The following ANP32E variants were observed in gnomAD, a reference collection of about 807,000 sequenced individuals.
ANP32E encodes the protein acidic leucine-rich nuclear phosphoprotein 32 family member E.
ANP32E carries 14 observed loss-of-function variants against 35.3 expected under a neutral mutation model. The ratio of observed to expected loss-of-function variants is 0.40; its 90% confidence interval spans 0.26 to 0.62. The LOEUF (loss-of-function observed/expected upper bound fraction) is 0.62. Ranked by LOEUF, ANP32E falls within the 20% of genes least tolerant of loss-of-function variation. ANP32E has a pLI of 0.45. For missense variants in ANP32E, 198 were observed against 304.4 expected, an observed-to-expected ratio of 0.65 and a Z score of 2.60; for synonymous variants, 89 against 110.4, an observed-to-expected ratio of 0.81 and a Z score of 1.22.
chr1:150,226,751 G>T lies in ANP32E; in HGVS notation c.538C>A (p.Pro180Thr). 1 of 1,591,648 alleles carries T rather than the reference G, an allele frequency of 6.3e-7. No individual in the cohort carries two copies. Among genetic ancestry groups the T allele is most frequent in the South Asian group, 1.1e-5 (1 of 89,964 alleles). The change falls in exon 5 of 7, where the codon CCA becomes ACA. Residue 180 changes from proline to threonine, a missense_variant. By Grantham distance (38) the Pro-to-Thr change is conservative (BLOSUM62 -1). Transcript: ENST00000583931. ...TCCTCTTCCTCATATCCTTCCGGTG[G>T]ACCAGCTTCATTTTCCTCTTCCTCT... Reference protein sequence around the residue: ...DEEEEENEAGPPEGYEEEEEE... With the variant: ...DEEEEENEAGTPEGYEEEEEE...
chr1:150,219,321 T>C lies in ANP32E; in HGVS notation c.*1370A>G, dbSNP rs1344095988. The C allele has an allele frequency of 6.6e-6, 1 of 152,224 alleles. No individual in the cohort carries two copies. Among genetic ancestry groups the C allele is most frequent in the East Asian group, 1.9e-4 (1 of 5,204 alleles). 9.4% of individuals were successfully genotyped at this position (152,224 alleles called of 1,614,324 possible). A position where few individuals can be genotyped will look rare whatever the true frequency, so the allele number is the denominator to read the frequency against. ...ATATACTTGTATACTCATTATATTTTATTTAGTAGCCATGTAAGGAAACAC... is the reference window on the plus strand; with the variant it reads ...ATATACTTGTATACTCATTATATTTCATTTAGTAGCCATGTAAGGAAACAC... On this transcript the variant is annotated 3_prime_UTR_variant, in exon 7 of 7. Transcript: ENST00000583931.
chr1:150,230,419 A>C lies in ANP32E; in HGVS notation c.327+152T>G, dbSNP rs587594301. On this transcript the variant is annotated intron_variant, in intron 3 of 6. Coordinates refer to ENST00000583931, the MANE Select transcript of ANP32E (RefSeq NM_030920.5). ...ATTTAAAAATTCATCTGAATATTTT[A>C]GTCTAAAAGAAACAAAAGCAGTAAC... 4.6e-5 allele frequency: 25 copies of C among 540,756 alleles called. No homozygotes were observed. In the South Asian group the frequency reaches 1.6e-3, roughly 35 times the overall value. 33.5% of individuals were successfully genotyped at this position (540,756 alleles called of 1,614,324 possible). A position where few individuals can be genotyped will look rare whatever the true frequency, so the allele number is the denominator to read the frequency against.
chr1:150,228,516 C>T (rs1649070757), intron 4 of ANP32E, among the ~76,000 whole-genome samples: 1 of 151,930 alleles, frequency 6.6e-6, no homozygotes, highest in South Asian at 2.1e-4. Context: ...ATGGTGAAAC[C>T]TCGTCTCTAC....
rs1384497846 is a variant in ANP32E at position 150,232,070 on chromosome 1, C to T, written c.55-144G>A. The stretch of plus-strand genomic sequence containing the variant: ...TCAGTTAAAACAAAATACGGCCGGG[C>T]GCGGTGGCTCACGCCTGTAATCCCA... On this transcript the variant is annotated intron_variant, in intron 1 of 6. Coordinates refer to ENST00000583931, the MANE Select transcript of ANP32E (RefSeq NM_030920.5). 1.4e-5 allele frequency: 11 copies of T among 794,554 alleles called. No homozygotes were observed. The African/African-American group carries it at 1.5e-4, about 10-fold the overall frequency. The allele number at this position is 794,554 out of a possible 1,614,324, so 49.2% of individuals were successfully genotyped here. A position where few individuals can be genotyped will look rare whatever the true frequency, so the allele number is the denominator to read the frequency against.
In ANP32E at chr1:150,220,502, A is replaced by G. The variant is rs1648253068; in HGVS notation, c.*189T>C. 5.4e-6 allele frequency: 3 copies of G among 553,712 alleles called. No homozygotes were observed. The highest frequency in any genetic ancestry group is 9.6e-6 in the Non-Finnish European group (3 of 311,648). The allele number at this position is 553,712 out of a possible 1,614,324, so 34.3% of individuals were successfully genotyped here. Reference sequence around the variant, plus strand: ...TGGGAGTCAATGAAAATTTTTCTCTACATACAATATGATCATTAACAGACT... The same window carrying G: ...TGGGAGTCAATGAAAATTTTTCTCTGCATACAATATGATCATTAACAGACT... On this transcript the variant is annotated 3_prime_UTR_variant, in exon 7 of 7. Transcript: ENST00000583931.
intron 4 of ANP32E, 61 bp from the exon 5 acceptor site, chr1:150,226,856 G>A (rs1648925612): frequency 2.6e-6 from 4 of 1,537,068 alleles, no homozygotes; most frequent in Non-Finnish European, 3.5e-6. Flanking sequence ...CTAGGATGTT[G>A]ATGCTTTTTA....
At chr1:150,229,286 T>C (rs201537583) in intron 3 of ANP32E, 49 bp from the exon 4 acceptor site, 1 of 1,077,062 alleles carries the variant, frequency 9.3e-7, no homozygotes, top group African/African-American at 1.7e-5. Context: ...AATACCATGT[T>C]ATTTCTTTTT....
rs1377408311 is a variant in ANP32E at position 150,232,926 on chromosome 1, G to A, written c.55-1000C>T. Among the ~76,000 whole-genome samples the A allele has an allele frequency of 4.6e-5, 7 of 152,206 alleles. No individual in the cohort carries two copies. The East Asian group carries it at 1.4e-3, about 29-fold the overall frequency. ...CAGATAATATATTTATGCAAGGAGCGAGTACCTGAGCTACCAGGAAAAGAT... is the reference window on the plus strand; with the variant it reads ...CAGATAATATATTTATGCAAGGAGCAAGTACCTGAGCTACCAGGAAAAGAT... On this transcript the variant is annotated intron_variant, in intron 1 of 6. Transcript: ENST00000583931.
chr1:150,224,156 C>CA (rs1648682559), intron 5 of ANP32E, among the ~76,000 whole-genome samples: 1 of 151,742 alleles, frequency 6.6e-6, no homozygotes, highest in South Asian at 2.1e-4. Flanking sequence ...GATGAGATAG[C>CA]AAAAAGCATA....
rs188534574 is a variant in ANP32E at position 150,235,528 on chromosome 1, G to T, written c.54+205C>A. ...TAAGCCCCCATGCACACACAAAAAC[G>T]CCCCTAGAAACTTCAACCCTTCGCC... On this transcript the variant is annotated intron_variant, in intron 1 of 6. Coordinates refer to ENST00000583931, the MANE Select transcript of ANP32E (RefSeq NM_030920.5). The surrounding 1 kb of genome is among the most constrained non-coding windows in gnomAD (Gnocchi z 4.2). Among the ~76,000 whole-genome samples the T allele has an allele frequency of 1.1e-3, 172 of 152,292 alleles. 1 individual carries two copies. The highest frequency in any genetic ancestry group is 4.0e-3 in the African/African-American group (165 of 41,558).
At chr1:150,230,463 C>CA in intron 3 of ANP32E, 108 bp downstream of exon 3, 1 of 1,148,128 alleles carries the variant, frequency 8.7e-7, no homozygotes, top group Admixed American at 2.6e-5. Context: ...TCACAACATA[C>CA]AAAAAATTCT....
intron 4 of ANP32E, among the ~76,000 whole-genome samples, chr1:150,227,139 A>G (rs1648944834): frequency 6.6e-6 from 1 of 152,194 alleles, no homozygotes; most frequent in Admixed American, 6.5e-5. Flanking sequence ...ATGCTTGTAC[A>G]CTGTTGGTGG....
chr1:150,225,933 T>C (rs1270280824), intron 5 of ANP32E, among the ~76,000 whole-genome samples: 1 of 151,546 alleles, frequency 6.6e-6, no homozygotes, highest in African/African-American at 2.4e-5. Flanking sequence ...TGAGTGCCTA[T>C]AATGTGCCAG....
In ANP32E at chr1:150,236,024, A is replaced by G; in HGVS notation, c.-238T>C. ...CTTGTCCACACACTAGCGCGCGCAC[A>G]CACACGCACGCACGCGCGCACACAC... On this transcript the variant is annotated 5_prime_UTR_variant, in exon 1 of 7. Transcript: ENST00000583931. 1.8e-6 allele frequency: 1 copy of G among 542,536 alleles called. No individual in the cohort carries two copies. The highest frequency in any genetic ancestry group is 3.3e-6 in the Non-Finnish European group (1 of 300,634). The allele number at this position is 542,536 out of a possible 1,614,324, so 33.6% of individuals were successfully genotyped here.
At chr1:150,223,281 T>C (rs1572010049) in intron 5 of ANP32E, 41 bp from the exon 6 acceptor site, 1 of 1,517,636 alleles carries the variant, frequency 6.6e-7, no homozygotes. Flanking sequence ...GAAAAATCCA[T>C]ATGATTTTTC....
rs1648263217 is a variant in ANP32E, at chr1:150,220,601, T to C, written c.*90A>G. The C allele has an allele frequency of 1.6e-6, 2 of 1,223,302 alleles. No individual in the cohort carries two copies. Among genetic ancestry groups the C allele is most frequent in the South Asian group, 1.2e-5 (1 of 80,034 alleles). 75.8% of individuals were successfully genotyped at this position (1,223,302 alleles called of 1,614,324 possible). A position where few individuals can be genotyped will look rare whatever the true frequency, so the allele number is the denominator to read the frequency against. The stretch of plus-strand genomic sequence containing the variant: ...CTATAAAAAGTTACACATTATCTTC[T>C]GTAGGGATAGCTATCGTACATGAAG... On this transcript the variant is annotated 3_prime_UTR_variant, in exon 7 of 7. Coordinates refer to ENST00000583931, the MANE Select transcript of ANP32E (RefSeq NM_030920.5).
At chr1:150,222,673 A>T (rs751542944) in intron 6 of ANP32E, among the ~76,000 whole-genome samples, 4 of 151,362 alleles carry the variant, frequency 2.6e-5, no homozygotes, top group Non-Finnish European at 4.4e-5. Flanking sequence ...TGGGGGGATC[A>T]CCTGAGCCCA....
chr1:150,222,029 G>A (rs1478361998), intron 6 of ANP32E, among the ~76,000 whole-genome samples: 1 of 151,914 alleles, frequency 6.6e-6, no homozygotes, highest in Non-Finnish European at 1.5e-5. Flanking sequence ...GGAGGTCGAG[G>A]CTGCAGTGAC....
Position 150,220,665 on chromosome 1 carries a change from A to T in ANP32E, c.*26T>A, listed in dbSNP as rs782105871. ...ATCACTCTATTGCACACCCAGAAAC[A>T]TTAGAGAATCTGGTCTTAGAATGAT... On this transcript the variant is annotated 3_prime_UTR_variant, in exon 7 of 7. Transcript: ENST00000583931. The T allele has an allele frequency of 1.2e-6, 2 of 1,604,992 alleles. No individual in the cohort carries two copies. The highest frequency in any genetic ancestry group is 2.2e-5 in the South Asian group (2 of 90,880).
Sources: gnomAD v4.1 joint callset for allele counts (sites outside exome capture counted in the v4.1 genomes callset) on GRCh38, gnomAD v4.1.1 for gene constraint, Gnocchi (gnomAD v3.1) non-coding constraint, MANE v1.5 for transcripts, NCBI Gene and HGNC (gene_info 2026-07-23, HGNC 2026-07-21) for gene names.